NEXN: variants seen among roughly 807,000 people sequenced by gnomAD.
NEXN encodes nexilin.
In NEXN, 65 loss-of-function variants were observed where a neutral mutation model predicts 92.6. That is an observed-to-expected ratio of 0.70 (90% CI 0.57 to 0.86). NEXN has a LOEUF of 0.86. Among genes scored for constraint, NEXN ranks in the 40% least tolerant of loss-of-function variants. The probability of loss-of-function intolerance (pLI) is 0.00; values close to 1 mark genes in which losing one functional copy is unlikely to be tolerated. For missense variants in NEXN, 778 were observed against 771.1 expected (o/e 1.01, Z -0.11); for synonymous variants, 254 against 242.5 (o/e 1.05, Z -0.44).
At chr1:77,923,674 GCT>G (rs1271481235) in intron 5 of NEXN, among the ~76,000 whole-genome samples, 1 of 135,278 alleles carries the variant, frequency 7.4e-6, no homozygotes, top group African/African-American at 2.7e-5. Flanking sequence ...GGTAAATTGA[GCT>G]CTCTTTTTTT....
chr1:77,924,942 G>A (rs1286207723), intron 5 of NEXN, among the ~76,000 whole-genome samples: 1 of 152,180 alleles, frequency 6.6e-6, no homozygotes, highest in African/African-American at 2.4e-5. Context: ...TTACAGGCAT[G>A]AGCCACCTCG....
chr1:77,916,188 A>G, intron 2 of NEXN, 55 bp downstream of exon 2: 1 of 1,393,998 alleles, frequency 7.2e-7, no homozygotes, highest in East Asian at 2.4e-5. Context: ...AGTTGACTGT[A>G]GAATTGCTGA....
At chr1:77,936,106 T>C (rs1382378130) in intron 11 of NEXN, 62 bp downstream of exon 11, 2 of 1,266,660 alleles carry the variant, frequency 1.6e-6, no homozygotes, top group Non-Finnish European at 2.3e-6. Flanking sequence ...TTAACAGAAG[T>C]AACATTGGCT....
At chr1:77,896,197 T>TAAATAAATAAATA (rs1195580693) in intron 1 of NEXN, among the ~76,000 whole-genome samples, 1 of 151,688 alleles carries the variant, frequency 6.6e-6, no homozygotes, top group Non-Finnish European at 1.5e-5. Context: ...AATAAATAAA[T>TAAATAAATAAATA]AAGTTGTCGG....
intron 1 of NEXN, among the ~76,000 whole-genome samples, chr1:77,893,372 AG>A (rs1647151545): frequency 6.6e-6 from 1 of 152,152 alleles, no homozygotes; most frequent in Non-Finnish European, 1.5e-5. Flanking sequence ...GATGGTGAGG[AG>A]GCCCAGACTC....
At chr1:77,917,137 T>C (rs1325956341) in intron 2 of NEXN, among the ~76,000 whole-genome samples, 1 of 152,212 alleles carries the variant, frequency 6.6e-6, no homozygotes, top group Non-Finnish European at 1.5e-5. Flanking sequence ...AAGCCTAAAC[T>C]TTTGCTTTGT....
At position 77,942,631 on chromosome 1, in the gene NEXN, A is replaced by G. The variant is rs376542213; in HGVS notation, c.1830A>G (p.Lys610=). The change falls in exon 13 of 13, where the codon AAA becomes AAG. Residue 610 remains lysine (K), a synonymous_variant. Coordinates refer to ENST00000334785, the MANE Select transcript of NEXN (RefSeq NM_144573.4). The part of the protein sequence containing the change: ...RFTVKVTGEP[K]PEITWWFEGE... ...CGGTTAAAGTAACAGGAGAACCCAA[A>G]CCAGAAATTACATGGTGGTTTGAAG... 2 of 1,613,794 alleles carry G rather than the reference A, an allele frequency of 1.2e-6. No homozygotes were observed.
chr1:77,908,321 C>T (rs1045502591), intron 1 of NEXN, among the ~76,000 whole-genome samples: 1 of 151,966 alleles, frequency 6.6e-6, no homozygotes, highest in African/African-American at 2.4e-5. Flanking sequence ...GCGATTCTCC[C>T]ACCTCAGCCT....
At chr1:77,921,514 A>G (rs1297206806) in intron 5 of NEXN, among the ~76,000 whole-genome samples, 4 of 152,072 alleles carry the variant, frequency 2.6e-5, no homozygotes, top group Non-Finnish European at 4.4e-5. Flanking sequence ...GTGCAATCAC[A>G]GCTCATTGCA....
chr1:77,926,272 T>C, intron 6 of NEXN, 142 bp from the exon 7 acceptor site: 1 of 587,632 alleles, frequency 1.7e-6, no homozygotes, highest in Non-Finnish European at 3.0e-6. Flanking sequence ...GTAGGAGATA[T>C]TTAATAATAA....
At chr1:77,918,668 G>GAA (rs376219706) in intron 5 of NEXN, among the ~76,000 whole-genome samples, 10 of 77,178 alleles carry the variant, frequency 1.3e-4, no homozygotes, top group Middle Eastern at 6.2e-3. Context: ...CTATCTCAAA[G>GAA]AAAAAAAAAA....
Position 77,926,454 on chromosome 1 carries a change from A to T in NEXN, c.530A>T (p.Lys177Ile), listed in dbSNP as rs1234811320. 11 of 1,608,114 alleles carry T rather than the reference A, an allele frequency of 6.8e-6. No individual in the cohort carries two copies. The highest frequency in any genetic ancestry group is 9.3e-6 in the Non-Finnish European group (11 of 1,177,040). ...CTACTTATAACTGTGGTACCTGTCA[A>T]ATCATATAAAACATCTGGAAAAATG... ...DSLLITVVPV[K>I]SYKTSGKMKK... is the part of the protein sequence containing the mutation. Residue 177 changes from lysine to isoleucine, a missense_variant, in exon 7 of 13, where the codon AAA (lysine) becomes ATA (isoleucine). Lys to Ile is a moderately radical substitution (Grantham distance 102). This residue lies in a region of NEXN where 236 missense variants were observed against 265.6 expected (regional missense o/e 0.89). Transcript: ENST00000334785.
At chr1:77,902,182 A>C (rs1279761710) in intron 1 of NEXN, among the ~76,000 whole-genome samples, 2 of 152,172 alleles carry the variant, frequency 1.3e-5, no homozygotes, top group East Asian at 3.8e-4. Context: ...TGTCATACTC[A>C]TCACTCTAAA....
Position 77,942,149 on chromosome 1 carries a change from G to A in NEXN, c.1600G>A (p.Glu534Lys). The change falls in exon 12 of 13, where the codon GAA becomes AAA. Residue 534 changes from glutamate to lysine, a missense_variant. By Grantham distance (56) the Glu-to-Lys change is moderately conservative. Transcript: ENST00000334785. ...REEEEQRRIE[E>K]QKLLRMQFEQ... ...AGAAGAAGAACAAAGAAGAATTGAA[G>A]AACAAAAGTTACTACGCATGCAGTT... is the stretch of plus-strand genomic sequence containing the variant. The A allele has an allele frequency of 6.2e-7, 1 of 1,613,760 alleles. No homozygotes were observed. Among genetic ancestry groups the A allele is most frequent in the East Asian group, 2.2e-5 (1 of 44,844 alleles).
At chr1:77,938,253 A>G (rs767603481) in intron 11 of NEXN, among the ~76,000 whole-genome samples, 65 of 152,254 alleles carry the variant, frequency 4.3e-4, no homozygotes, top group Non-Finnish European at 9.1e-4. Context: ...TGCCAAAAGC[A>G]AACACCATTT....
intron 11 of NEXN, chr1:77,941,757 T>A (rs759131543): frequency 6.1e-5 from 28 of 462,326 alleles, no homozygotes; most frequent in Non-Finnish European, 9.9e-5. Context: ...CAAGCAGAGT[T>A]GGTAGGACAA....
At chr1:77,914,674 T>C (rs1648827258) in intron 1 of NEXN, among the ~76,000 whole-genome samples, 1 of 151,726 alleles carries the variant, frequency 6.6e-6, no homozygotes, top group Admixed American at 6.6e-5. Flanking sequence ...CTAGCCAACA[T>C]GGTGAAACCC....
At chr1:77,890,493 A>C (rs1452756439) in intron 1 of NEXN, among the ~76,000 whole-genome samples, 2 of 152,224 alleles carry the variant, frequency 1.3e-5, no homozygotes, top group Admixed American at 1.3e-4. Context: ...GTCAAAATGT[A>C]TGTCATCTTG....
At chr1:77,900,014 C>T (rs1351732629) in intron 1 of NEXN, among the ~76,000 whole-genome samples, 1 of 152,120 alleles carries the variant, frequency 6.6e-6, no homozygotes, top group Non-Finnish European at 1.5e-5. Flanking sequence ...ATACATCTTT[C>T]AGTCATGCTC....
Sources: gnomAD v4.1 joint callset for allele counts (sites outside exome capture counted in the v4.1 genomes callset) on GRCh38, gnomAD v4.1.1 for gene constraint, gnomAD v4.1.1 regional missense constraint, MANE v1.5 for transcripts, NCBI Gene and HGNC (gene_info 2026-07-23, HGNC 2026-07-21) for gene names.